SRSF12: variants seen among roughly 807,000 people sequenced by gnomAD.
The protein encoded by SRSF12 is serine and arginine rich splicing factor 12.
In SRSF12, 21 loss-of-function variants were observed where a neutral mutation model predicts 34.1. The ratio of observed to expected loss-of-function variants is 0.62; its 90% CI spans 0.44 to 0.89. The LOEUF is 0.89. Among genes scored for constraint, SRSF12 ranks in the 40% least tolerant of loss-of-function variants. The probability of loss-of-function intolerance (pLI) is 0.00; values close to 1 mark genes in which losing one functional copy is unlikely to be tolerated. For synonymous variants in SRSF12, 111 were observed against 110.8 expected (o/e 1.00, Z -0.01); for missense variants, 278 against 327.8 (o/e 0.85, Z 1.17).
At position 89,097,531 on chromosome 6, in the gene SRSF12, A is replaced by C. The variant is rs1768321393; in HGVS notation, c.*1047T>G. ...GAGTTTCTTCTTCTTCTTTTTTTTA[A>C]ATTTTAGAGACAGGATTTCACCATG... On this transcript the variant is annotated 3_prime_UTR_variant, in exon 5 of 5. Coordinates refer to ENST00000452027, the MANE Select transcript of SRSF12 (RefSeq NM_080743.5). The C allele has an allele frequency of 6.6e-6, 1 of 151,748 alleles. No homozygotes were observed. The highest frequency in any genetic ancestry group is 2.1e-4 in the South Asian group (1 of 4,812). The allele number at this position is 151,748 out of a possible 1,614,324, so 9.4% of individuals were successfully genotyped here.
chr6:89,114,803 T>C (rs1330052314), intron 1 of SRSF12, among the ~76,000 whole-genome samples: 1 of 152,216 alleles, frequency 6.6e-6, no homozygotes, highest in African/African-American at 2.4e-5. Flanking sequence ...TGCTTTTATT[T>C]TTTTAGTTTT....
At chr6:89,108,933 C>T (rs1288141331) in intron 1 of SRSF12, among the ~76,000 whole-genome samples, 3 of 152,182 alleles carry the variant, frequency 2.0e-5, no homozygotes, top group Non-Finnish European at 4.4e-5. Context: ...TTATGACATA[C>T]TTTATTTCAT....
In SRSF12 at chr6:89,118,063, C is replaced by A; in HGVS notation, c.-176G>T. 1 of 316,236 alleles carries A rather than the reference C, an allele frequency of 3.2e-6. No homozygotes were observed. The highest frequency in any genetic ancestry group is 4.9e-6 in the Non-Finnish European group (1 of 204,256). 19.6% of individuals were successfully genotyped at this position (316,236 alleles called of 1,614,324 possible). On this transcript the variant is annotated 5_prime_UTR_variant, in exon 1 of 5. Coordinates refer to ENST00000452027, the MANE Select transcript of SRSF12 (RefSeq NM_080743.5). ...CCGGCGCAGAGGGGGCGCAGCGCGGCGCCAGCCTGGACGCACGGGCCGGGG... is the reference window on the plus strand; with the variant it reads ...CCGGCGCAGAGGGGGCGCAGCGCGGAGCCAGCCTGGACGCACGGGCCGGGG...
intron 1 of SRSF12, among the ~76,000 whole-genome samples, chr6:89,108,105 C>T (rs1768878736): frequency 1.3e-5 from 2 of 152,084 alleles, no homozygotes; most frequent in South Asian, 2.1e-4. Context: ...CTACTGTATT[C>T]CCAAATCTGA....
Position 89,117,933 on chromosome 6 carries a change from T to G in SRSF12, c.-46A>C, listed in dbSNP as rs1769393277. 6.5e-7 allele frequency: 1 copy of G among 1,528,000 alleles called. No individual in the cohort carries two copies. The allele number at this position is 1,528,000 out of a possible 1,614,324, so 94.7% of individuals were successfully genotyped here. A position where few individuals can be genotyped will look rare whatever the true frequency, so the allele number is the denominator to read the frequency against. On this transcript the variant is annotated 5_prime_UTR_variant, in exon 1 of 5. Transcript: ENST00000452027. The stretch of plus-strand genomic sequence containing the variant: ...CCGGGTCTGCCCGCGGCCGCTGGAC[T>G]CGCTCCGTCTCCCGCTACCGCTGCT...
At chr6:89,111,232 C>T (rs918979806) in intron 1 of SRSF12, among the ~76,000 whole-genome samples, 1 of 152,072 alleles carries the variant, frequency 6.6e-6, no homozygotes, top group African/African-American at 2.4e-5. Flanking sequence ...CCTCAACCTC[C>T]CAAGTAGCTG....
chr6:89,109,026 C>A (rs528759821), intron 1 of SRSF12, among the ~76,000 whole-genome samples: 9 of 152,192 alleles, frequency 5.9e-5, no homozygotes, highest in South Asian at 4.2e-4. Flanking sequence ...CAGAATTAAG[C>A]AAATACTTAT....
chr6:89,109,328 A>G (rs1582268147), intron 1 of SRSF12, among the ~76,000 whole-genome samples: 2 of 152,242 alleles, frequency 1.3e-5, no homozygotes, highest in South Asian at 4.1e-4. Context: ...CTTCACCAGC[A>G]TATCTCTGTA....
chr6:89,107,560 T>C (rs1768852272), intron 1 of SRSF12, among the ~76,000 whole-genome samples: 1 of 151,846 alleles, frequency 6.6e-6, no homozygotes, highest in Non-Finnish European at 1.5e-5. Context: ...TGAAACCCCG[T>C]CTCTACAAAA....
chr6:89,106,146 G>C (rs1768771858), intron 2 of SRSF12, among the ~76,000 whole-genome samples: 1 of 152,072 alleles, frequency 6.6e-6, no homozygotes, highest in Non-Finnish European at 1.5e-5. Context: ...TTGAGATGGA[G>C]TTTCCCTCTT....
intron 1 of SRSF12, among the ~76,000 whole-genome samples, chr6:89,109,629 G>C (rs12660078): frequency 0.063 from 9,564 of 152,276 alleles, 873 homozygotes; most frequent in African/African-American, 0.2. Flanking sequence ...TGGAAGCCAA[G>C]GGTGATGGGA....
chr6:89,116,540 C>T (rs997973006), intron 1 of SRSF12, among the ~76,000 whole-genome samples: 29 of 151,992 alleles, frequency 1.9e-4, no homozygotes, highest in African/African-American at 5.8e-4. Context: ...TTTGGGAGGC[C>T]GAGCTGGGCG....
intron 4 of SRSF12, among the ~76,000 whole-genome samples, chr6:89,103,380 G>C (rs1768624731): frequency 6.6e-6 from 1 of 150,648 alleles, no homozygotes; most frequent in Non-Finnish European, 1.5e-5. Flanking sequence ...CCAGGCTGGA[G>C]AGCAGTGGCG....
chr6:89,105,323 C>T, intron 3 of SRSF12, 63 bp from the exon 4 acceptor site: 8 of 1,567,460 alleles, frequency 5.1e-6, no homozygotes, highest in South Asian at 2.4e-5. Flanking sequence ...GTAACAACCA[C>T]TCAACTAGCA....
chr6:89,114,659 G>A (rs1769209093), intron 1 of SRSF12, among the ~76,000 whole-genome samples: 1 of 151,872 alleles, frequency 6.6e-6, no homozygotes. Context: ...TCAACTATCA[G>A]TCTCAATCAC....
rs185174662 is a variant in SRSF12, at chr6:89,101,709, A to T, written c.417-2762T>A. Among the ~76,000 whole-genome samples, 274 of 152,256 alleles carry T rather than the reference A, an allele frequency of 1.8e-3. 3 individuals are homozygous for T. Among genetic ancestry groups the T allele is most frequent in the African/African-American group, 6.3e-3 (263 of 41,538 alleles). ...TGAGACTCTGTCTCAAAAAAAAATA[A>T]AAATAAAAATAAATCTGAAAACCTT... On this transcript the variant is annotated intron_variant, in intron 4 of 4. Transcript: ENST00000452027.
In SRSF12 at chr6:89,109,193, C is replaced by G. The variant is rs557643673; in HGVS notation, c.66-1935G>C. Among the ~76,000 whole-genome samples the G allele has an allele frequency of 7.2e-5, 11 of 152,232 alleles. No homozygotes were observed. In the East Asian group the frequency reaches 1.7e-3, roughly 24 times the overall value. ...GATGTTACAGACAGAGGCACCCCAA[C>G]CCGATGCATTAATTCTGGACCTAAT... On this transcript the variant is annotated intron_variant, in intron 1 of 4. Coordinates refer to ENST00000452027, the MANE Select transcript of SRSF12 (RefSeq NM_080743.5).
rs1432791030 is a variant in SRSF12, at chr6:89,105,063, T to C, written c.416+56A>G. On this transcript the variant is annotated intron_variant, in intron 4 of 4. Transcript: ENST00000452027. ...ACAATGAGACCCTATCAAAAAAATA[T>C]ATATCTATTTCCCAGAAAAAGTAGA... 2.7e-6 allele frequency: 4 copies of C among 1,503,904 alleles called. No homozygotes were observed. The African/African-American group carries it at 4.2e-5, about 16-fold the overall frequency. 93.2% of individuals were successfully genotyped at this position (1,503,904 alleles called of 1,614,324 possible).
intron 4 of SRSF12, among the ~76,000 whole-genome samples, chr6:89,099,557 C>G (rs1339699850): frequency 7.7e-6 from 1 of 129,066 alleles, no homozygotes; most frequent in Non-Finnish European, 1.6e-5. Context: ...TTTTTTGAGA[C>G]GGAGTTTCGC....
Sources: gnomAD v4.1 joint callset for allele counts (sites outside exome capture counted in the v4.1 genomes callset) on GRCh38, gnomAD v4.1.1 for gene constraint, MANE v1.5 for transcripts, NCBI Gene and HGNC (gene_info 2026-07-23, HGNC 2026-07-21) for gene names.